AFAP1L1: variants seen among roughly 807,000 people sequenced by gnomAD.
AFAP1L1 encodes the protein actin filament-associated protein 1-like 1.
AFAP1L1 carries 77 observed loss-of-function variants against 99.8 expected under a neutral mutation model. The observed-to-expected ratio is 0.77, with a 90% CI of 0.64 to 0.93. The LOEUF (loss-of-function observed/expected upper bound fraction) is 0.93. Ranked by LOEUF, AFAP1L1 falls within the 40% of genes least tolerant of loss-of-function variation. The pLI, the probability that AFAP1L1 is intolerant of heterozygous loss-of-function variation, is 0.00. For synonymous variants in AFAP1L1, 373 were observed against 395.3 expected (o/e 0.94, Z 0.67); for missense variants, 893 against 996.8 (o/e 0.90, Z 1.40).
At chr5:149,279,767 C>G (rs967101885) in intron 1 of AFAP1L1, among the ~76,000 whole-genome samples, 1 of 152,030 alleles carries the variant, frequency 6.6e-6, no homozygotes, top group Non-Finnish European at 1.5e-5. Context: ...TCACACTGGC[C>G]CTGCTCCTTG....
chr5:149,323,907 A>G (rs565347739), intron 15 of AFAP1L1, among the ~76,000 whole-genome samples: 52 of 152,382 alleles, frequency 3.4e-4, no homozygotes, highest in African/African-American at 1.2e-3. Context: ...TGTCAACGAC[A>G]ACAACAAAAA....
intron 1 of AFAP1L1, among the ~76,000 whole-genome samples, chr5:149,272,538 G>A (rs1323081425): frequency 1.3e-5 from 2 of 152,204 alleles, no homozygotes; most frequent in Non-Finnish European, 2.9e-5. Context: ...CCTTCTCTCT[G>A]GACCAGCGAC....
chr5:149,313,581 G>T (rs1171812001), intron 9 of AFAP1L1, among the ~76,000 whole-genome samples: 1 of 151,264 alleles, frequency 6.6e-6, no homozygotes, highest in African/African-American at 2.5e-5. Context: ...AGGATCCTGA[G>T]CACCTGCTTG....
rs910612158 is a variant in AFAP1L1, at chr5:149,341,792, A to T, written c.*1762A>T. 6.6e-6 allele frequency: 1 copy of T among 152,118 alleles called. No individual in the cohort carries two copies. Among genetic ancestry groups the T allele is most frequent in the Non-Finnish European group, 1.5e-5 (1 of 68,030 alleles). 9.4% of individuals were successfully genotyped at this position (152,118 alleles called of 1,614,324 possible). ...TTAAAAAAAAAAAGTGGCTATTATT[A>T]GCTATATCAGAAATGTCTGACTCAC... is the stretch of plus-strand genomic sequence containing the variant. On this transcript the variant is annotated 3_prime_UTR_variant, in exon 19 of 19. Coordinates refer to ENST00000296721, the MANE Select transcript of AFAP1L1 (RefSeq NM_152406.4).
intron 15 of AFAP1L1, among the ~76,000 whole-genome samples, chr5:149,324,678 G>A (rs1757044978): frequency 6.6e-6 from 1 of 152,196 alleles, no homozygotes; most frequent in Non-Finnish European, 1.5e-5. Flanking sequence ...GAGATCTCAA[G>A]ACGTTGGCCG....
At chr5:149,325,344 A>T (rs907976470) in intron 15 of AFAP1L1, among the ~76,000 whole-genome samples, 1 of 152,190 alleles carries the variant, frequency 6.6e-6, no homozygotes, top group Admixed American at 6.5e-5. Flanking sequence ...CTGCCAGTCA[A>T]GGGCTACAGT....
chr5:149,334,292 A>C (rs1240991582), intron 17 of AFAP1L1, among the ~76,000 whole-genome samples: 2 of 152,174 alleles, frequency 1.3e-5, no homozygotes, highest in African/African-American at 4.8e-5. Context: ...GATGAAAAAC[A>C]TGACAGCCAA....
At chr5:149,295,983 T>C (rs1756004496) in intron 1 of AFAP1L1, among the ~76,000 whole-genome samples, 1 of 152,252 alleles carries the variant, frequency 6.6e-6, no homozygotes, top group Non-Finnish European at 1.5e-5. Flanking sequence ...TTAATGTTAA[T>C]GCAATAAATA....
At chr5:149,299,441 G>A (rs959596071) in intron 1 of AFAP1L1, 68 bp from the exon 2 acceptor site, 67 of 1,586,808 alleles carry the variant, frequency 4.2e-5, no homozygotes, top group Admixed American at 1.7e-4. Context: ...GGTGGTGGGG[G>A]GCCGAACTCC....
intron 8 of AFAP1L1, 104 bp from the exon 9 acceptor site, chr5:149,312,008 G>C (rs1341355015): frequency 1.9e-6 from 2 of 1,034,738 alleles, no homozygotes; most frequent in Non-Finnish European, 2.9e-6. Context: ...CCCCACAGTG[G>C]CCCTGACCCT....
At position 149,335,600 on chromosome 5, in the gene AFAP1L1, G is replaced by T; in HGVS notation, c.2161G>T (p.Ala721Ser). The change falls in exon 18 of 19, where the codon GCA (alanine) becomes TCA (serine). Residue 721 changes from alanine to serine, a missense_variant. Transcript: ENST00000296721. Reference sequence around the variant, plus strand: ...TATTTATTGCCATCAACAGGAAACTGCAAATAAACCCCAGAACAGCGTTCC... The same window carrying T: ...TATTTATTGCCATCAACAGGAAACTTCAAATAAACCCCAGAACAGCGTTCC... ...VSSKPKSGET[A>S]NKPQNSVPEQ... is the part of the protein sequence containing the mutation. 6.2e-7 allele frequency: 1 copy of T among 1,612,192 alleles called. No individual in the cohort carries two copies. The highest frequency in any genetic ancestry group is 8.5e-7 in the Non-Finnish European group (1 of 1,179,946).
In AFAP1L1 at chr5:149,319,566, G is replaced by A; in HGVS notation, c.1480-16G>A. ...CAGTAGGAAAATGAACTCCATCTTT[G>A]CCTCCTGTCCTTCAGGCAAGCTGTT... On this transcript the variant is annotated splice_polypyrimidine_tract_variant and intron_variant, in intron 12 of 18. Coordinates refer to ENST00000296721, the MANE Select transcript of AFAP1L1 (RefSeq NM_152406.4). 1 of 1,582,754 alleles carries A rather than the reference G, an allele frequency of 6.3e-7. No homozygotes were observed. Among genetic ancestry groups the A allele is most frequent in the Non-Finnish European group, 8.6e-7 (1 of 1,161,350 alleles).
chr5:149,286,341 T>C (rs1755679169), intron 1 of AFAP1L1, among the ~76,000 whole-genome samples: 1 of 152,080 alleles, frequency 6.6e-6, no homozygotes, highest in African/African-American at 2.4e-5. Flanking sequence ...GAGGTAGCAG[T>C]TGGAGAACAG....
chr5:149,321,734 A>C (rs1199366141), intron 14 of AFAP1L1, among the ~76,000 whole-genome samples: 1 of 150,852 alleles, frequency 6.6e-6, no homozygotes, highest in Non-Finnish European at 1.5e-5. Flanking sequence ...AAAAAAAAAA[A>C]AAAAAAAAAA....
chr5:149,322,628 CA>C lies in AFAP1L1; in HGVS notation c.1722del (p.Ala576ProfsTer3). Reference sequence around the variant, plus strand: ...CAGGACGAGGAGCCCGAGCGCCCCACAGGGGCCCAGGTGAAGCGTCACGCCT... The same window carrying C: ...CAGGACGAGGAGCCCGAGCGCCCCACGGGGCCCAGGTGAAGCGTCACGCCT... ...KMQDEEPERPTGAQVKRHASS... is the reference protein window; with the variant it reads ...KMQDEEPERPXGAQVKRHASS... On this transcript the variant is annotated frameshift_variant, in exon 15 of 19. Coordinates refer to ENST00000296721, the MANE Select transcript of AFAP1L1 (RefSeq NM_152406.4). LOFTEE classifies it high-confidence loss of function. 1 of 1,585,336 alleles carries C rather than the reference CA, an allele frequency of 6.3e-7. No individual in the cohort carries two copies. The highest frequency in any genetic ancestry group is 8.6e-7 in the Non-Finnish European group (1 of 1,164,732).
intron 12 of AFAP1L1, 105 bp from the exon 13 acceptor site, chr5:149,319,477 C>G: frequency 7.6e-7 from 1 of 1,310,306 alleles, no homozygotes; most frequent in South Asian, 1.4e-5. Flanking sequence ...GTATCGGGTA[C>G]GTAGTCAGTA....
chr5:149,292,974 G>A (rs898549994), intron 1 of AFAP1L1, among the ~76,000 whole-genome samples: 24 of 152,246 alleles, frequency 1.6e-4, no homozygotes, highest in African/African-American at 4.1e-4. Flanking sequence ...TGAGCACTCT[G>A]AGGGAAGGGG....
At chr5:149,294,099 CT>C (rs1374636795) in intron 1 of AFAP1L1, among the ~76,000 whole-genome samples, 1 of 152,148 alleles carries the variant, frequency 6.6e-6, no homozygotes, top group Non-Finnish European at 1.5e-5. Flanking sequence ...TCCCACATTC[CT>C]TATGTCCTCT....
chr5:149,310,555 T>G (rs1756595957), intron 8 of AFAP1L1, among the ~76,000 whole-genome samples: 1 of 152,206 alleles, frequency 6.6e-6, no homozygotes, highest in East Asian at 1.9e-4. Context: ...AGTTTCTGCC[T>G]CTGCAGCTAC....
Sources: gnomAD v4.1 joint callset for allele counts (sites outside exome capture counted in the v4.1 genomes callset) on GRCh38, gnomAD v4.1.1 for gene constraint, MANE v1.5 for transcripts, NCBI Gene and HGNC (gene_info 2026-07-23, HGNC 2026-07-21) for gene names.